Variants in SYN3 observed in about 807,000 individuals in gnomAD.
SYN3 encodes synapsin-3.
Under a neutral mutation model 65.8 loss-of-function variants are expected in SYN3, and 35 were observed. That is an observed-to-expected ratio of 0.53 (90% CI 0.41 to 0.70). The LOEUF (loss-of-function observed/expected upper bound fraction) is 0.70. SYN3 is among the 30% of genes least tolerant of loss of function. SYN3 has a pLI of 0.00. For missense variants in SYN3, 680 were observed against 749.0 expected (o/e 0.91, Z 1.08); for synonymous variants, 270 against 292.9 (o/e 0.92, Z 0.80).
intron 6 of SYN3, among the ~76,000 whole-genome samples, chr22:32,693,126 G>C (rs1270852821): frequency 6.6e-6 from 1 of 152,102 alleles, no homozygotes; most frequent in East Asian, 1.9e-4. Context: ...ATATGATGAA[G>C]TTTAATTTAT....
At chr22:32,731,873 G>T (rs556072968) in intron 6 of SYN3, among the ~76,000 whole-genome samples, 9 of 152,272 alleles carry the variant, frequency 5.9e-5, no homozygotes, top group African/African-American at 1.9e-4. Flanking sequence ...CACCTACAAT[G>T]GAAAACCAGC....
intron 6 of SYN3, among the ~76,000 whole-genome samples, chr22:32,646,319 G>A (rs187661289): frequency 5.3e-5 from 8 of 152,270 alleles, no homozygotes; most frequent in South Asian, 2.1e-4. Flanking sequence ...AAAGTCTGGC[G>A]CAACTCTAGG....
rs763267935 is a variant in SYN3 at position 32,973,536 on chromosome 22, G to T, written c.369+7109C>A. 1.9e-4 allele frequency among the ~76,000 whole-genome samples: 29 copies of T among 152,102 alleles called. 1 individual carries two copies. The highest frequency in any genetic ancestry group is 7.0e-4 in the African/African-American group (29 of 41,416). On this transcript the variant is annotated intron_variant, in intron 3 of 13. Coordinates refer to ENST00000358763, the MANE Select transcript of SYN3 (RefSeq NM_003490.4). ...CCACAGCATTTCCAGCACAGGAGGCGCCCTACCTACAAAAAAGGCATGGCC... is the reference window on the plus strand; with the variant it reads ...CCACAGCATTTCCAGCACAGGAGGCTCCCTACCTACAAAAAAGGCATGGCC...
At position 32,899,080 on chromosome 22, in the gene SYN3, G is replaced by A. The variant is rs922825256; in HGVS notation, c.462-29955C>T. 1.1e-4 allele frequency among the ~76,000 whole-genome samples: 6 copies of A among 53,232 alleles called. No homozygotes were observed. In the South Asian group the frequency reaches 3.8e-3, roughly 34 times the overall value. 34.9% of individuals were successfully genotyped at this position (53,232 alleles called of 152,430 possible). ...TTGTGCCACTGCACTCCAGCTTGGC[G>A]ACAGAGTGAGACTCTGTCTCAAAAA... On this transcript the variant is annotated intron_variant, in intron 4 of 13. Transcript: ENST00000358763.
At chr22:32,574,175 G>T (rs2058819741) in intron 7 of SYN3, among the ~76,000 whole-genome samples, 1 of 151,682 alleles carries the variant, frequency 6.6e-6, no homozygotes, top group African/African-American at 2.4e-5. Context: ...CATTATTTTG[G>T]CAGGAAATAA....
chr22:32,998,040 A>G (rs980911123), intron 2 of SYN3, among the ~76,000 whole-genome samples: 4 of 151,620 alleles, frequency 2.6e-5, no homozygotes, highest in African/African-American at 9.7e-5. Context: ...AAAAAAAAAA[A>G]AAAGAATGCC....
intron 6 of SYN3, among the ~76,000 whole-genome samples, chr22:32,746,120 G>T (rs2044924612): frequency 6.6e-6 from 1 of 152,110 alleles, no homozygotes; most frequent in Admixed American, 6.5e-5. Context: ...GTTAAGTGAC[G>T]GTCAGTTCAC....
intron 6 of SYN3, among the ~76,000 whole-genome samples, chr22:32,655,321 A>C (rs2060127796): frequency 6.6e-6 from 1 of 152,290 alleles, no homozygotes; most frequent in Non-Finnish European, 1.5e-5. Context: ...TATGAAATAC[A>C]TTTCTATTCT....
At chr22:32,605,975 G>C (rs1385732355) in intron 6 of SYN3, among the ~76,000 whole-genome samples, 1 of 152,212 alleles carries the variant, frequency 6.6e-6, no homozygotes, top group Non-Finnish European at 1.5e-5. Flanking sequence ...AGATTGATGG[G>C]AGGAATGGAC....
intron 3 of SYN3, among the ~76,000 whole-genome samples, chr22:32,958,007 C>T (rs1003648001): frequency 3.3e-5 from 5 of 152,130 alleles, no homozygotes; most frequent in Admixed American, 1.3e-4. Context: ...AAATGCATTC[C>T]GCATCAAGAA....
At chr22:32,992,369 T>C (rs1351838491) in intron 2 of SYN3, among the ~76,000 whole-genome samples, 1 of 152,240 alleles carries the variant, frequency 6.6e-6, no homozygotes, top group Non-Finnish European at 1.5e-5. Flanking sequence ...TCTGGATGAC[T>C]TTGCCAATTA....
Position 32,511,342 on chromosome 22 carries a change from C to G in SYN3, c.*2350G>C, listed in dbSNP as rs149159557. On this transcript the variant is annotated 3_prime_UTR_variant, in exon 14 of 14. Coordinates refer to ENST00000358763, the MANE Select transcript of SYN3 (RefSeq NM_003490.4). Reference sequence around the variant, plus strand: ...ATTGACCCCAGGACCCCCACCTCCACCCACCTTGGGGGTCTAGAAGAATGT... The same window carrying G: ...ATTGACCCCAGGACCCCCACCTCCAGCCACCTTGGGGGTCTAGAAGAATGT... Among the ~76,000 whole-genome samples the G allele has an allele frequency of 6.6e-6, 1 of 152,220 alleles. No individual in the cohort carries two copies. The highest frequency in any genetic ancestry group is 1.5e-5 in the Non-Finnish European group (1 of 68,046).
At chr22:32,831,663 C>T (rs1351606644) in intron 6 of SYN3, among the ~76,000 whole-genome samples, 3 of 152,220 alleles carry the variant, frequency 2.0e-5, no homozygotes, top group Non-Finnish European at 4.4e-5. Flanking sequence ...TCAGAACACA[C>T]AGAGCCAGAG....
intron 6 of SYN3, among the ~76,000 whole-genome samples, chr22:32,763,539 A>G (rs925810725): frequency 6.6e-6 from 1 of 152,012 alleles, no homozygotes; most frequent in Non-Finnish European, 1.5e-5. Context: ...GCAACCCTAC[A>G]CTGTTTATTT....
At chr22:32,704,888 C>A (rs1230398813) in intron 6 of SYN3, among the ~76,000 whole-genome samples, 2 of 152,142 alleles carry the variant, frequency 1.3e-5, no homozygotes, top group Admixed American at 6.5e-5. Flanking sequence ...ATGTCCTTTG[C>A]CCACTTTTTA....
intron 1 of SYN3, among the ~76,000 whole-genome samples, chr22:33,031,733 G>A (rs2053758937): frequency 6.6e-6 from 1 of 151,636 alleles, no homozygotes; most frequent in Non-Finnish European, 1.5e-5. Flanking sequence ...TCTCAGGTCT[G>A]TAAACCAAAA....
At chr22:32,607,443 G>T (rs2059388071) in intron 6 of SYN3, among the ~76,000 whole-genome samples, 1 of 152,162 alleles carries the variant, frequency 6.6e-6, no homozygotes, top group Non-Finnish European at 1.5e-5. Flanking sequence ...TAGAGATCCT[G>T]CCTGCCTTCT....
intron 12 of SYN3, among the ~76,000 whole-genome samples, chr22:32,519,210 A>C (rs1440400199): frequency 2.0e-5 from 3 of 152,184 alleles, no homozygotes; most frequent in Admixed American, 6.5e-5. Context: ...AGGATCTGCG[A>C]TTCTGCATTT....
intron 6 of SYN3, among the ~76,000 whole-genome samples, chr22:32,646,071 C>T (rs2059979654): frequency 1.3e-5 from 2 of 152,244 alleles, no homozygotes; most frequent in East Asian, 1.9e-4. Flanking sequence ...CTGCTTGAAA[C>T]GTCCAGGTGG....
Sources: allele counts gnomAD v4.1 joint callset (sites outside exome capture counted in the v4.1 genomes callset), GRCh38; gene constraint gnomAD v4.1.1; transcripts MANE v1.5; gene names NCBI Gene and HGNC (gene_info 2026-07-23, HGNC 2026-07-21).